Variants in DPYSL5 observed in about 807,000 individuals in gnomAD.
The protein encoded by DPYSL5 is dihydropyrimidinase-related protein 5.
A neutral mutation model predicts 58.4 loss-of-function variants in DPYSL5; 9 were observed. That is an observed-to-expected ratio of 0.15 (90% CI 0.09 to 0.27). DPYSL5 has a LOEUF of 0.27. Among genes scored for constraint, DPYSL5 ranks in the 10% least tolerant of loss-of-function variants. The pLI is 1.00. For synonymous variants in DPYSL5, 293 were observed against 301.9 expected (o/e 0.97, Z 0.31); for missense variants, 499 against 770.6 (o/e 0.65, Z 4.17).
chr2:26,911,437 G>C (rs1287262570), intron 2 of DPYSL5, among the ~76,000 whole-genome samples: 1 of 152,020 alleles, frequency 6.6e-6, no homozygotes, highest in African/African-American at 2.4e-5. Context: ...TCCTTAACAT[G>C]GTCCCTTTCT....
intron 6 of DPYSL5, among the ~76,000 whole-genome samples, chr2:26,932,746 G>A (rs192764338): frequency 2.6e-5 from 4 of 152,188 alleles, no homozygotes; most frequent in East Asian, 1.9e-4. Context: ...GTGTCCGTTC[G>A]CAAGGTCAGC....
intron 2 of DPYSL5, among the ~76,000 whole-genome samples, chr2:26,922,040 C>A (rs1664718460): frequency 6.6e-6 from 1 of 152,152 alleles, no homozygotes; most frequent in African/African-American, 2.4e-5. Flanking sequence ...GGCCCTCCAA[C>A]AACTTGTACC....
chr2:26,931,640 C>A lies in DPYSL5; in HGVS notation c.670C>A (p.Leu224Met), dbSNP rs751675163. 3 of 1,613,990 alleles carry A rather than the reference C, an allele frequency of 1.9e-6. No individual in the cohort carries two copies. In the Admixed American group the frequency reaches 5.0e-5, roughly 27 times the overall value. ...EGIEISRPEE[L>M]EAEATHRVIT... Reference sequence around the variant, plus strand: ...TCCTCCTGTCCTTTGTTTCTAACAGCTGGAAGCTGAAGCCACTCATCGTGT... The same window carrying A: ...TCCTCCTGTCCTTTGTTTCTAACAGATGGAAGCTGAAGCCACTCATCGTGT... Residue 224 changes from leucine (L) to methionine (M), a missense_variant and splice_region_variant, in exon 6 of 13, where the codon CTG becomes ATG. Coordinates refer to ENST00000288699, the MANE Select transcript of DPYSL5 (RefSeq NM_020134.4).
rs1664792046 is a variant in DPYSL5 at position 26,924,944 on chromosome 2, A to T, written c.319A>T (p.Thr107Ser). Residue 107 changes from threonine to serine, a missense_variant, in exon 3 of 13, where the codon ACC becomes TCC. Coordinates refer to ENST00000288699, the MANE Select transcript of DPYSL5 (RefSeq NM_020134.4). The surrounding 1 kb of genome is among the most constrained non-coding windows in gnomAD (Gnocchi z 4.7). ...CGGCCACGTCCTGCCCGACAAGGAG[A>T]CCTCCCTTGTGGACGCTTATGAGAA... ...IIGHVLPDKE[T>S]SLVDAYEKCR... 6.2e-7 allele frequency: 1 copy of T among 1,613,736 alleles called. No homozygotes were observed. The highest frequency in any genetic ancestry group is 8.5e-7 in the Non-Finnish European group (1 of 1,179,898).
chr2:26,883,352 G>A (rs1158084888), intron 1 of DPYSL5, among the ~76,000 whole-genome samples: 1 of 152,018 alleles, frequency 6.6e-6, no homozygotes, highest in Non-Finnish European at 1.5e-5. Context: ...GTTTTTGATG[G>A]TTATGTGAAT....
In DPYSL5 at chr2:26,933,445, G is replaced by A. The variant is rs1372902194; in HGVS notation, c.790+112G>A. The stretch of plus-strand genomic sequence containing the variant: ...CCCGGCTCCTGAAACCAGGACCTGA[G>A]CCAGCCCTTCCCTTTCATCTGCCAC... On this transcript the variant is annotated intron_variant, in intron 7 of 12. Coordinates refer to ENST00000288699, the MANE Select transcript of DPYSL5 (RefSeq NM_020134.4). This position sits in a 1 kb window ranked among gnomAD's most constrained non-coding sequence, Gnocchi z 4.2. 3 of 967,240 alleles carry A rather than the reference G, an allele frequency of 3.1e-6. No individual in the cohort carries two copies. Among genetic ancestry groups the A allele is most frequent in the Non-Finnish European group, 3.2e-6 (2 of 621,388 alleles). The allele number at this position is 967,240 out of a possible 1,614,324, so 59.9% of individuals were successfully genotyped here. A position where few individuals can be genotyped will look rare whatever the true frequency, so the allele number is the denominator to read the frequency against.
At chr2:26,861,182 T>C (rs1229695213) in intron 1 of DPYSL5, among the ~76,000 whole-genome samples, 1 of 152,200 alleles carries the variant, frequency 6.6e-6, no homozygotes, top group Non-Finnish European at 1.5e-5. Flanking sequence ...ACTGTGTTTT[T>C]TTGACTGCCC....
intron 1 of DPYSL5, among the ~76,000 whole-genome samples, chr2:26,875,213 G>A (rs1397011980): frequency 6.6e-6 from 1 of 152,218 alleles, no homozygotes; most frequent in Non-Finnish European, 1.5e-5. Context: ...TGGGTGGAGG[G>A]TGGTGAAGGG....
intron 12 of DPYSL5, among the ~76,000 whole-genome samples, chr2:26,945,257 C>T (rs1434048959): frequency 6.6e-6 from 1 of 152,018 alleles, no homozygotes; most frequent in Non-Finnish European, 1.5e-5. Flanking sequence ...CCCTCTCCTC[C>T]TCTGACCTTC....
intron 1 of DPYSL5, among the ~76,000 whole-genome samples, chr2:26,879,040 C>A (rs939373829): frequency 6.6e-6 from 1 of 152,236 alleles, no homozygotes; most frequent in Non-Finnish European, 1.5e-5. Context: ...CCTTCCACTA[C>A]CAACTTGTGA....
intron 8 of DPYSL5, chr2:26,938,735 G>A (rs1230749877): frequency 2.0e-5 from 3 of 152,196 alleles, no homozygotes; most frequent in African/African-American, 7.2e-5. Flanking sequence ...GGGCATCTTA[G>A]ATGGCCCACA....
intron 1 of DPYSL5, among the ~76,000 whole-genome samples, chr2:26,885,304 AC>A (rs1187474021): frequency 3.3e-5 from 5 of 152,134 alleles, no homozygotes; most frequent in Non-Finnish European, 7.4e-5. Context: ...CCCTCCCCGT[AC>A]CCACTCCTGC....
chr2:26,915,814 C>T (rs921470198), intron 2 of DPYSL5, among the ~76,000 whole-genome samples: 3 of 152,130 alleles, frequency 2.0e-5, no homozygotes, highest in African/African-American at 7.2e-5. Flanking sequence ...GCTCTCCTCT[C>T]AGTCTCCTCT....
At chr2:26,918,570 G>C (rs1199475705) in intron 2 of DPYSL5, among the ~76,000 whole-genome samples, 2 of 152,118 alleles carry the variant, frequency 1.3e-5, no homozygotes, top group East Asian at 3.8e-4. Context: ...AATCCCAAGA[G>C]AGGCAGATCC....
chr2:26,921,498 T>C (rs1363821388), intron 2 of DPYSL5, among the ~76,000 whole-genome samples: 6 of 152,222 alleles, frequency 3.9e-5, no homozygotes, highest in African/African-American at 7.2e-5. Flanking sequence ...TTGCTGCCGA[T>C]TTCTACAAGG....
At chr2:26,907,740 C>G (rs568139750) in intron 2 of DPYSL5, among the ~76,000 whole-genome samples, 3 of 152,312 alleles carry the variant, frequency 2.0e-5, no homozygotes, top group Non-Finnish European at 2.9e-5. Flanking sequence ...TCCAGCTAAC[C>G]CAGCTCCAGG....
At chr2:26,930,952 C>T (rs1382206661) in intron 5 of DPYSL5, among the ~76,000 whole-genome samples, 13 of 144,232 alleles carry the variant, frequency 9.0e-5, no homozygotes, top group African/African-American at 2.6e-4. Context: ...CCAGCCTGGG[C>T]GACAGAGCAA....
In DPYSL5 at chr2:26,913,481, A is replaced by G. The variant is rs80291400; in HGVS notation, c.262-11406A>G. On this transcript the variant is annotated intron_variant, in intron 2 of 12. Transcript: ENST00000288699. ...GGCTGAATAATACTCCATTGTATGTAGATAACCACATTTTGCTTCTCCATT... is the reference window on the plus strand; with the variant it reads ...GGCTGAATAATACTCCATTGTATGTGGATAACCACATTTTGCTTCTCCATT... Among the ~76,000 whole-genome samples the G allele has an allele frequency of 9.2e-5, 14 of 152,318 alleles. 1 individual carries two copies. The South Asian group carries it at 2.9e-3, about 32-fold the overall frequency.
intron 1 of DPYSL5, among the ~76,000 whole-genome samples, chr2:26,863,820 C>T (rs948387579): frequency 6.6e-5 from 10 of 152,148 alleles, no homozygotes; most frequent in African/African-American, 1.7e-4. Context: ...TACATAGAAT[C>T]GTACAATATG....
Sources: allele counts gnomAD v4.1 joint callset (sites outside exome capture counted in the v4.1 genomes callset), GRCh38; gene constraint gnomAD v4.1.1; non-coding constraint Gnocchi (gnomAD v3.1); transcripts MANE v1.5; gene names NCBI Gene and HGNC (gene_info 2026-07-23, HGNC 2026-07-21).